The following FREM1 variants were observed in gnomAD, a reference collection of about 807,000 sequenced individuals.
FREM1 encodes the protein FRAS1-related extracellular matrix protein 1.
In FREM1, 220 loss-of-function variants were observed where a neutral mutation model predicts 210.1. The ratio of observed to expected loss-of-function variants is 1.05; its 90% confidence interval spans 0.94 to 1.17. FREM1 has a LOEUF of 1.17. Among genes scored for constraint, FREM1 ranks in the 50% most tolerant of loss-of-function variants. The pLI is 0.00. For synonymous variants in FREM1, 1,189 were observed against 980.2 expected, an observed-to-expected ratio of 1.21 and a Z score of -3.98; for missense variants, 3,454 against 2,675.5, an observed-to-expected ratio of 1.29 and a Z score of -6.42.
rs1564095371 is a variant in FREM1, at chr9:14,859,365, A to G, written c.449T>C (p.Leu150Ser). Residue 150 changes from leucine (L) to serine (S), a missense_variant, in exon 4 of 37, where the codon TTG (leucine) becomes TCG (serine). Leu to Ser is a moderately radical substitution (Grantham distance 145). Coordinates refer to ENST00000380880, the MANE Select transcript of FREM1 (RefSeq NM_001379081.2). ...CAGATTTTTATCAATCGCTTGGGAC[A>G]AGCCATTGAATTCAGGCACCTCCAG... ...NVLEVPEFNG[L>S]SQAIDKNLLR... The G allele has an allele frequency of 6.2e-7, 1 of 1,613,926 alleles. No homozygotes were observed. The highest frequency in any genetic ancestry group is 1.7e-5 in the Admixed American group (1 of 60,016).
At chr9:14,794,329 C>T (rs1851953195) in intron 21 of FREM1, among the ~76,000 whole-genome samples, 1 of 152,180 alleles carries the variant, frequency 6.6e-6, no homozygotes, top group Non-Finnish European at 1.5e-5. Context: ...AGATGTGATT[C>T]AAACTGTGCT....
rs755865332 is a variant in FREM1 at position 14,868,767 on chromosome 9, T to G, written c.211A>C (p.Arg71=). The part of the protein sequence containing the change: ...EVVMNEPITQ[R]VGKLTPQVFD... ...ACCTGTGGAGTGAGTTTCCCAACCC[T>G]CTGGGTTATTGGCTCATTCATCACA... The change falls in exon 2 of 37, where the codon AGG becomes CGG. Residue 71 remains arginine (R), a synonymous_variant. Transcript: ENST00000380880. The G allele has an allele frequency of 1.2e-5, 19 of 1,611,442 alleles. No homozygotes were observed. In the Admixed American group the frequency reaches 3.2e-4, roughly 27 times the overall value.
intron 36 of FREM1, among the ~76,000 whole-genome samples, chr9:14,739,085 A>C (rs1840957312): frequency 1.3e-5 from 2 of 151,578 alleles, no homozygotes; most frequent in Admixed American, 1.3e-4. Flanking sequence ...AGAGGGAATA[A>C]AATTAAAATC....
intron 35 of FREM1, among the ~76,000 whole-genome samples, chr9:14,741,877 T>C (rs1338850506): frequency 6.6e-6 from 1 of 152,274 alleles, no homozygotes; most frequent in East Asian, 1.9e-4. Context: ...TTCCTGAAGC[T>C]ATCTTTAAAA....
chr9:14,749,700 C>T (rs139784907), intron 30 of FREM1, among the ~76,000 whole-genome samples: 1 of 152,224 alleles, frequency 6.6e-6, no homozygotes, highest in Admixed American at 6.5e-5. Context: ...TCTTTCACAT[C>T]TATTTTTCTC....
chr9:14,870,655 C>T (rs892196339), intron 1 of FREM1, among the ~76,000 whole-genome samples: 2 of 151,276 alleles, frequency 1.3e-5, no homozygotes, highest in Non-Finnish European at 2.9e-5. Flanking sequence ...TATTTTAATT[C>T]ATTTTATTAT....
At chr9:14,860,728 CACAT>C (rs1829831076) in intron 3 of FREM1, among the ~76,000 whole-genome samples, 6 of 105,858 alleles carry the variant, frequency 5.7e-5, no homozygotes, top group African/African-American at 3.0e-4. Flanking sequence ...CACATATATA[CACAT>C]ATATACACAT....
chr9:14,795,128 T>C (rs1355705135), intron 21 of FREM1, among the ~76,000 whole-genome samples: 2 of 152,232 alleles, frequency 1.3e-5, no homozygotes, highest in African/African-American at 4.8e-5. Flanking sequence ...AGCTTGTCTT[T>C]GTATTTTTAC....
intron 32 of FREM1, 34 bp downstream of exon 32, chr9:14,747,647 A>G (rs1022699507): frequency 7.8e-7 from 1 of 1,279,894 alleles, no homozygotes; most frequent in Non-Finnish European, 1.1e-6. Context: ...ATCCATAAAT[A>G]TAAGAAATTT....
chr9:14,868,323 TA>T (rs1228817986), intron 2 of FREM1, among the ~76,000 whole-genome samples: 1 of 152,168 alleles, frequency 6.6e-6, no homozygotes, highest in African/African-American at 2.4e-5. Flanking sequence ...TATAATTAGC[TA>T]CTCTATAAGG....
chr9:14,843,427 T>C (rs1051642656), intron 8 of FREM1, among the ~76,000 whole-genome samples: 2 of 152,126 alleles, frequency 1.3e-5, no homozygotes, highest in Non-Finnish European at 2.9e-5. Context: ...TCCAACAGCC[T>C]AACAAGGAAC....
chr9:14,869,803 T>C (rs1373616948), intron 1 of FREM1, among the ~76,000 whole-genome samples: 1 of 152,130 alleles, frequency 6.6e-6, no homozygotes, highest in South Asian at 2.1e-4. Context: ...TTACAGAAAA[T>C]ATGCTTTTTT....
intron 1 of FREM1, among the ~76,000 whole-genome samples, chr9:14,891,848 A>C (rs1224914682): frequency 6.6e-6 from 1 of 152,206 alleles, no homozygotes; most frequent in African/African-American, 2.4e-5. Flanking sequence ...GTACAGGGGC[A>C]CTGTGCAAGA....
chr9:14,848,954 T>C (rs551946512), intron 6 of FREM1, among the ~76,000 whole-genome samples, 181 bp from the exon 7 acceptor site: 1 of 152,230 alleles, frequency 6.6e-6, no homozygotes, highest in South Asian at 2.1e-4. Flanking sequence ...ATCTTGTTCC[T>C]TACTTTAACG....
At chr9:14,746,727 G>C (rs902438964) in intron 34 of FREM1, among the ~76,000 whole-genome samples, 196 bp downstream of exon 34, 3 of 152,170 alleles carry the variant, frequency 2.0e-5, no homozygotes, top group Admixed American at 6.5e-5. Flanking sequence ...TTCTTAAATG[G>C]TATTGATTTA....
chr9:14,870,207 T>C (rs1200557002), intron 1 of FREM1, among the ~76,000 whole-genome samples: 1 of 152,214 alleles, frequency 6.6e-6, no homozygotes, highest in South Asian at 2.1e-4. Context: ...TGTCAGAAGG[T>C]TGTAGAAGAA....
intron 14 of FREM1, among the ~76,000 whole-genome samples, chr9:14,817,340 C>A (rs1005748223): frequency 1.3e-5 from 2 of 152,200 alleles, no homozygotes; most frequent in Non-Finnish European, 2.9e-5. Flanking sequence ...TTCTCTAAAA[C>A]CTTGATCAAT....
At chr9:14,793,100 T>G (rs763878614) in intron 21 of FREM1, among the ~76,000 whole-genome samples, 10 of 152,218 alleles carry the variant, frequency 6.6e-5, no homozygotes, top group Non-Finnish European at 1.0e-4. Flanking sequence ...CTAATGAATG[T>G]GGGAAGAGGT....
intron 1 of FREM1, among the ~76,000 whole-genome samples, chr9:14,890,422 G>A (rs996886303): frequency 1.3e-5 from 2 of 152,194 alleles, no homozygotes; most frequent in Non-Finnish European, 2.9e-5. Context: ...AGCACAGAAC[G>A]CTAAAATCAC....
Sources: allele counts gnomAD v4.1 joint callset (sites outside exome capture counted in the v4.1 genomes callset), GRCh38; gene constraint gnomAD v4.1.1; transcripts MANE v1.5; gene names NCBI Gene and HGNC (gene_info 2026-07-23, HGNC 2026-07-21).